The following DRAM1 variants were observed in gnomAD, a reference collection of about 807,000 sequenced individuals.
DRAM1 encodes DNA damage regulated autophagy modulator 1.
A neutral mutation model predicts 28.5 loss-of-function variants in DRAM1; 25 were observed. The ratio of observed to expected loss-of-function variants is 0.88; its 90% CI spans 0.64 to 1.23. The LOEUF (loss-of-function observed/expected upper bound fraction) is 1.23, where lower values mean the gene tolerates loss of function less well. Ranked by LOEUF, DRAM1 falls within the 50% of genes most tolerant of loss-of-function variation. The pLI is 0.00. For missense variants in DRAM1, 249 were observed against 299.2 expected, an observed-to-expected ratio of 0.83 and a Z score of 1.24; for synonymous variants, 113 against 114.2, an observed-to-expected ratio of 0.99 and a Z score of 0.07.
At chr12:101,899,494 A>G (rs1342884949) in intron 2 of DRAM1, among the ~76,000 whole-genome samples, 3 of 151,980 alleles carry the variant, frequency 2.0e-5, no homozygotes, top group Non-Finnish European at 4.4e-5. Flanking sequence ...CATCTCTACA[A>G]AAAGTTAAAA....
chr12:101,877,804 G>C lies in DRAM1; in HGVS notation c.15G>C (p.Leu5=). The change falls in exon 1 of 7, where the codon CTG becomes CTC. Residue 5 remains leucine (L), a synonymous_variant. Transcript: ENST00000258534. The surrounding 1 kb of genome is among the most constrained non-coding windows in gnomAD (Gnocchi z 4.1). ...GCGGCGGCGCGATGCTGTGCTTCCT[G>C]AGGGGAATGGCTTTCGTCCCCTTCC... is the stretch of plus-strand genomic sequence containing the variant. MLCF[L]RGMAFVPFLL... 1 of 1,536,438 alleles carries C rather than the reference G, an allele frequency of 6.5e-7. No homozygotes were observed. Among genetic ancestry groups the C allele is most frequent in the Non-Finnish European group, 8.8e-7 (1 of 1,139,832 alleles).
At chr12:101,888,900 G>A (rs1872991486) in intron 1 of DRAM1, among the ~76,000 whole-genome samples, 1 of 147,570 alleles carries the variant, frequency 6.8e-6, no homozygotes, top group African/African-American at 2.6e-5. Flanking sequence ...TGCCTTCCGG[G>A]CTCAAGTGAT....
At chr12:101,882,848 T>C (rs1872738462) in intron 1 of DRAM1, among the ~76,000 whole-genome samples, 1 of 150,032 alleles carries the variant, frequency 6.7e-6, no homozygotes, top group Admixed American at 6.6e-5. Context: ...TTTTTTTTTT[T>C]TTTTTTTTGA....
At chr12:101,915,066 G>A (rs1305511588) in intron 5 of DRAM1, among the ~76,000 whole-genome samples, 3 of 150,884 alleles carry the variant, frequency 2.0e-5, no homozygotes, top group African/African-American at 4.9e-5. Context: ...TGCAAGCTCT[G>A]CCTCCCGGGT....
At chr12:101,903,618 G>T (rs983930118) in intron 3 of DRAM1, among the ~76,000 whole-genome samples, 1 of 152,104 alleles carries the variant, frequency 6.6e-6, no homozygotes, top group African/African-American at 2.4e-5. Context: ...GCACAGTATG[G>T]TGACTATAGT....
At chr12:101,909,548 G>T (rs1346677337) in intron 4 of DRAM1, among the ~76,000 whole-genome samples, 2 of 152,136 alleles carry the variant, frequency 1.3e-5, no homozygotes, top group Non-Finnish European at 2.9e-5. Context: ...GTCGTAGGTG[G>T]CAAGACAGTT....
chr12:101,902,259 T>A (rs1873633909), intron 3 of DRAM1, among the ~76,000 whole-genome samples: 1 of 152,156 alleles, frequency 6.6e-6, no homozygotes, highest in Non-Finnish European at 1.5e-5. Context: ...AATAAAAGCC[T>A]TGTAAGATAG....
chr12:101,897,852 C>T lies in DRAM1; in HGVS notation c.132-11C>T. Reference sequence around the variant, plus strand: ...CTTTCTAATAATTTGGACATTTCTTCCCTTTGCCAGTGATACGGGAACAAC... The same window carrying T: ...CTTTCTAATAATTTGGACATTTCTTTCCTTTGCCAGTGATACGGGAACAAC... On this transcript the variant is annotated splice_polypyrimidine_tract_variant and intron_variant, in intron 1 of 6. Coordinates refer to ENST00000258534, the MANE Select transcript of DRAM1 (RefSeq NM_018370.3). The T allele has an allele frequency of 1.2e-6, 2 of 1,600,260 alleles. No individual in the cohort carries two copies. Among genetic ancestry groups the T allele is most frequent in the Non-Finnish European group, 1.7e-6 (2 of 1,169,182 alleles).
intron 5 of DRAM1, among the ~76,000 whole-genome samples, chr12:101,917,815 C>G (rs866996934): frequency 4.6e-5 from 7 of 152,006 alleles, no homozygotes; most frequent in Non-Finnish European, 1.0e-4. Flanking sequence ...TTAGCCCCAT[C>G]ATGCGAAGGG....
intron 4 of DRAM1, among the ~76,000 whole-genome samples, chr12:101,910,975 C>G (rs141523601): frequency 2.0e-5 from 3 of 152,244 alleles, no homozygotes; most frequent in Non-Finnish European, 1.5e-5. Flanking sequence ...GTGACTCACA[C>G]CTGTAATCCC....
At chr12:101,896,430 C>G (rs1168945376) in intron 1 of DRAM1, among the ~76,000 whole-genome samples, 4 of 152,010 alleles carry the variant, frequency 2.6e-5, no homozygotes, top group East Asian at 3.9e-4. Context: ...AAGTGAGCAG[C>G]CTGAAAATGA....
chr12:101,910,421 C>CAAAA (rs978275754), intron 4 of DRAM1, among the ~76,000 whole-genome samples: 1 of 151,414 alleles, frequency 6.6e-6, no homozygotes. Flanking sequence ...AGAGTTTTCA[C>CAAAA]AAAATAAGCA....
intron 1 of DRAM1, among the ~76,000 whole-genome samples, chr12:101,880,605 G>A (rs1371756963): frequency 6.6e-6 from 1 of 152,004 alleles, no homozygotes; most frequent in African/African-American, 2.4e-5. Context: ...GCTTCTTATT[G>A]AGAAAACAGT....
At chr12:101,914,930 T>G (rs1440968311) in intron 5 of DRAM1, among the ~76,000 whole-genome samples, 3 of 151,168 alleles carry the variant, frequency 2.0e-5, no homozygotes, top group African/African-American at 7.3e-5. Context: ...AGTGCTGGGA[T>G]TATAGGCGTG....
intron 1 of DRAM1, among the ~76,000 whole-genome samples, chr12:101,885,818 G>A (rs556969378): frequency 2.0e-5 from 3 of 152,122 alleles, no homozygotes; most frequent in South Asian, 4.2e-4. Context: ...GTGAGCCACC[G>A]CGTCCGGCCT....
intron 4 of DRAM1, among the ~76,000 whole-genome samples, chr12:101,909,450 C>G (rs954010308): frequency 6.6e-6 from 1 of 152,120 alleles, no homozygotes; most frequent in Admixed American, 6.6e-5. Flanking sequence ...CTTTGTAGTG[C>G]TTGGCTAAAG....
intron 1 of DRAM1, among the ~76,000 whole-genome samples, chr12:101,889,111 A>G (rs1043441977): frequency 1.3e-5 from 2 of 151,898 alleles, no homozygotes; most frequent in Non-Finnish European, 2.9e-5. Flanking sequence ...CCTCAATCTC[A>G]ATTAAAAAAA....
chr12:101,880,523 AGAT>A (rs1230577322), intron 1 of DRAM1, among the ~76,000 whole-genome samples: 1 of 151,976 alleles, frequency 6.6e-6, no homozygotes, highest in African/African-American at 2.4e-5. Flanking sequence ...TCCTGACCTC[AGAT>A]GATCCACCTG....
intron 2 of DRAM1, among the ~76,000 whole-genome samples, chr12:101,898,285 G>C (rs1223265128): frequency 1.3e-5 from 2 of 152,158 alleles, no homozygotes; most frequent in Non-Finnish European, 2.9e-5. Flanking sequence ...GCCTCTCAAA[G>C]TGCTGAACTT....
Sources: gnomAD v4.1 joint callset for allele counts (sites outside exome capture counted in the v4.1 genomes callset) on GRCh38, gnomAD v4.1.1 for gene constraint, Gnocchi (gnomAD v3.1) non-coding constraint, MANE v1.5 for transcripts, NCBI Gene and HGNC (gene_info 2026-07-23, HGNC 2026-07-21) for gene names.